The following HPS1 variants were observed in gnomAD, a reference collection of about 807,000 sequenced individuals.
The protein encoded by HPS1 is BLOC-3 complex member HPS1.
HPS1 carries 59 observed loss-of-function variants against 90.6 expected under a neutral mutation model. The observed-to-expected ratio is 0.65, with a 90% CI of 0.53 to 0.81. HPS1 has a LOEUF of 0.81. Ranked by LOEUF, HPS1 falls within the 30% of genes least tolerant of loss-of-function variation. HPS1 has a pLI of 0.00. For missense variants in HPS1, 849 were observed against 896.7 expected, an observed-to-expected ratio of 0.95 and a Z score of 0.68; for synonymous variants, 388 against 384.4, an observed-to-expected ratio of 1.01 and a Z score of -0.11.
At position 98,430,605 on chromosome 10, in the gene HPS1, T is replaced by C. The variant is rs1410062482; in HGVS notation, c.734A>G (p.Tyr245Cys). ...LALILLVQDL[Y>C]PSESTAEDDI... ...GTCCTCTGCTGTGCTCTCGCTGGGG[T>C]AGAGGTCCTGAACCAGGAGGATGAG... Residue 245 changes from tyrosine (Y) to cysteine (C), a missense_variant, in exon 8 of 20, where the codon TAC becomes TGC. Transcript: ENST00000361490. The C allele has an allele frequency of 1.3e-6, 2 of 1,555,004 alleles. No individual in the cohort carries two copies.
chr10:98,425,994 G>A lies in HPS1; in HGVS notation c.988-9C>T, dbSNP rs2136157625. The A allele has an allele frequency of 6.2e-7, 1 of 1,613,642 alleles. No homozygotes were observed. Among genetic ancestry groups the A allele is most frequent in the Non-Finnish European group, 8.5e-7 (1 of 1,179,762 alleles). On this transcript the variant is annotated splice_polypyrimidine_tract_variant and intron_variant, in intron 11 of 19. Coordinates refer to ENST00000361490, the MANE Select transcript of HPS1 (RefSeq NM_000195.5). ...AGGGTGTCCTCTGCTATCTACAGAG[G>A]AAGAAGAGCTGCAGTGAGAGGTGGG...
chr10:98,431,249 T>C lies in HPS1; in HGVS notation c.550A>G (p.Ile184Val), dbSNP rs1442765659. ...LIHPQLCELCIEALERHVIQA... is the reference protein window; with the variant it reads ...LIHPQLCELCVEALERHVIQA... The stretch of plus-strand genomic sequence containing the variant: ...ATGACGTGCCGCTCCAGCGCCTCTA[T>C]GCACAGCTCACAGAGCTGGGGGTGA... Residue 184 changes from isoleucine to valine, a missense_variant, in exon 7 of 20, where the codon ATA becomes GTA. Physicochemically the swap from Ile to Val is conservative, Grantham distance 29. Coordinates refer to ENST00000361490, the MANE Select transcript of HPS1 (RefSeq NM_000195.5). 1.2e-6 allele frequency: 2 copies of C among 1,613,908 alleles called. No individual in the cohort carries two copies. The highest frequency in any genetic ancestry group is 2.7e-5 in the African/African-American group (2 of 75,052).
downstream of HPS1, among the ~76,000 whole-genome samples, chr10:98,415,971 C>T (rs1324554391): frequency 1.3e-5 from 2 of 152,184 alleles, no homozygotes; most frequent in Non-Finnish European, 2.9e-5. Context: ...AATTAGGAGC[C>T]CCTTTGTTCT....
At chr10:98,425,742 CG>C (rs769794815) in intron 12 of HPS1, 22 bp from the exon 13 acceptor site, 1 of 1,600,456 alleles carries the variant, frequency 6.2e-7, no homozygotes, top group South Asian at 1.1e-5. Flanking sequence ...GGCCGAGAGG[CG>C]GGTGAACGGG....
At position 98,445,863 on chromosome 10, in the gene HPS1, CA is replaced by C; in HGVS notation, c.-105-460del. Among the ~76,000 whole-genome samples the C allele has an allele frequency of 6.6e-6, 1 of 152,316 alleles. No homozygotes were observed. The highest frequency in any genetic ancestry group is 1.5e-5 in the Non-Finnish European group (1 of 68,032). On this transcript the variant is annotated intron_variant, in intron 1 of 19. Coordinates refer to ENST00000361490, the MANE Select transcript of HPS1 (RefSeq NM_000195.5). The surrounding 1 kb of genome is among the most constrained non-coding windows in gnomAD (Gnocchi z 4.5). ...GACCAGGTTCTAGTTTTGGCTTTGC[CA>C]AGTCCCATAAACCTCTCTGAGCCTC... is the stretch of plus-strand genomic sequence containing the variant.
chr10:98,428,273 C>T lies in HPS1; in HGVS notation c.938-1009G>A, dbSNP rs181769261. 2.6e-4 allele frequency among the ~76,000 whole-genome samples: 39 copies of T among 152,298 alleles called. No individual in the cohort carries two copies. The East Asian group carries it at 3.9e-3, about 15-fold the overall frequency. ...AGTGGTTGTCAACCTTGGCTACACA[C>T]GAAAATCATTTGGGGACTTTTACAA... On this transcript the variant is annotated intron_variant, in intron 10 of 19. Coordinates refer to ENST00000361490, the MANE Select transcript of HPS1 (RefSeq NM_000195.5).
Position 98,417,468 on chromosome 10 carries a change from T to A in HPS1, c.*96A>T. The A allele has an allele frequency of 8.8e-7, 1 of 1,135,260 alleles. No homozygotes were observed. Among genetic ancestry groups the A allele is most frequent in the Non-Finnish European group, 1.3e-6 (1 of 794,410 alleles). 70.3% of individuals were successfully genotyped at this position (1,135,260 alleles called of 1,614,324 possible). ...TGGGCACTCTGCCCTATCCTCAGGA[T>A]GGCCACTGCAGACAGGAGGCTCTCG... On this transcript the variant is annotated 3_prime_UTR_variant, in exon 20 of 20. Transcript: ENST00000361490. The surrounding 1 kb of genome is among the most constrained non-coding windows in gnomAD (Gnocchi z 4.2).
intron 8 of HPS1, 78 bp downstream of exon 8, chr10:98,430,493 C>A (rs551782404): frequency 2.7e-6 from 3 of 1,111,884 alleles, no homozygotes; most frequent in Non-Finnish European, 4.0e-6. Flanking sequence ...CCAGGGGGAG[C>A]CTGCCCACCA....
chr10:98,425,143 T>C (rs950736612), intron 13 of HPS1, among the ~76,000 whole-genome samples: 3 of 152,138 alleles, frequency 2.0e-5, no homozygotes, highest in African/African-American at 7.2e-5. Flanking sequence ...TGTGTTGCCC[T>C]GTGAGCCCGG....
At chr10:98,418,981 G>C (rs34672912) in intron 18 of HPS1, among the ~76,000 whole-genome samples, 64 of 152,256 alleles carry the variant, frequency 4.2e-4, no homozygotes, top group Non-Finnish European at 7.3e-4. Flanking sequence ...GAGCCTGCAG[G>C]CCGGGGGAGC....
At chr10:98,439,040 C>T (rs1410670200) in intron 3 of HPS1, among the ~76,000 whole-genome samples, 3 of 152,184 alleles carry the variant, frequency 2.0e-5, no homozygotes, top group African/African-American at 7.2e-5. Context: ...TGGTATTGGG[C>T]CCACGGGTGC....
At chr10:98,427,389 A>T in intron 10 of HPS1, 125 bp from the exon 11 acceptor site, 5 of 767,970 alleles carry the variant, frequency 6.5e-6, no homozygotes, top group African/African-American at 1.7e-5. Context: ...AGCTCCACGC[A>T]GGGGTGCTAA....
In HPS1 at chr10:98,445,166, G is replaced by C. The variant is rs1206308185; in HGVS notation, c.-1+134C>G. 6.6e-6 allele frequency: 1 copy of C among 152,528 alleles called. No homozygotes were observed. Among genetic ancestry groups the C allele is most frequent in the Non-Finnish European group, 1.5e-5 (1 of 68,320 alleles). 9.4% of individuals were successfully genotyped at this position (152,528 alleles called of 1,614,324 possible). ...GGGGTGGCCTCAGGATGCAGGGCTG[G>C]GGAGGGGATGAGCAGGTGTGCAGAG... is the stretch of plus-strand genomic sequence containing the variant. On this transcript the variant is annotated intron_variant, in intron 2 of 19. Coordinates refer to ENST00000361490, the MANE Select transcript of HPS1 (RefSeq NM_000195.5). This position sits in a 1 kb window ranked among gnomAD's most constrained non-coding sequence, Gnocchi z 4.5.
At chr10:98,433,231 C>CAAAAA (rs35145578) in intron 6 of HPS1, among the ~76,000 whole-genome samples, 2 of 85,386 alleles carry the variant, frequency 2.3e-5, no homozygotes, top group Admixed American at 1.4e-4. Flanking sequence ...GACTCCATCT[C>CAAAAA]AAAAAAAAAA....
At chr10:98,443,025 G>T in intron 3 of HPS1, 99 bp downstream of exon 3, 1 of 870,764 alleles carries the variant, frequency 1.1e-6, no homozygotes, top group Non-Finnish European at 2.0e-6. Flanking sequence ...TGCTGCCCAG[G>T]ACAGGGTGAA....
intron 8 of HPS1, among the ~76,000 whole-genome samples, 181 bp downstream of exon 8, chr10:98,430,390 G>A (rs1337815302): frequency 6.6e-6 from 1 of 152,162 alleles, no homozygotes; most frequent in African/African-American, 2.4e-5. Context: ...TGGACCATGT[G>A]CACTCCAGAA....
At chr10:98,419,942 A>C (rs1315989875) in intron 18 of HPS1, 103 bp downstream of exon 18, 1 of 857,594 alleles carries the variant, frequency 1.2e-6, no homozygotes, top group Non-Finnish European at 2.0e-6. Flanking sequence ...ACAAGAAGAG[A>C]AGATGAGACA....
intron 7 of HPS1, 129 bp downstream of exon 7, chr10:98,431,002 T>C (rs1846367180): frequency 5.3e-6 from 5 of 949,722 alleles, no homozygotes; most frequent in Non-Finnish European, 8.3e-6. Context: ...GAATCAAATC[T>C]GGGAAGGTTT....
rs1199426024 is a variant in HPS1, at chr10:98,445,802, G to C, written c.-105-398C>G. Among the ~76,000 whole-genome samples, 1 of 152,154 alleles carries C rather than the reference G, an allele frequency of 6.6e-6. No individual in the cohort carries two copies. Among genetic ancestry groups the C allele is most frequent in the Non-Finnish European group, 1.5e-5 (1 of 68,020 alleles). On this transcript the variant is annotated intron_variant, in intron 1 of 19. Coordinates refer to ENST00000361490, the MANE Select transcript of HPS1 (RefSeq NM_000195.5). This position sits in a 1 kb window ranked among gnomAD's most constrained non-coding sequence, Gnocchi z 4.5. ...GGGAGTGGGGATCCTGGGATGATAC[G>C]ATGAATGGAAGGAAACTAACAGGAA...
Sources: gnomAD v4.1 joint callset for allele counts (sites outside exome capture counted in the v4.1 genomes callset) on GRCh38, gnomAD v4.1.1 for gene constraint, Gnocchi (gnomAD v3.1) non-coding constraint, MANE v1.5 for transcripts, NCBI Gene and HGNC (gene_info 2026-07-23, HGNC 2026-07-21) for gene names.